CD33: variants seen among roughly 807,000 people sequenced by gnomAD.
CD33 encodes myeloid cell surface antigen CD33.
CD33 carries 25 observed loss-of-function variants against 31.4 expected under a neutral mutation model. The ratio of observed to expected loss-of-function variants is 0.80; its 90% CI spans 0.58 to 1.11. CD33 has a LOEUF of 1.11. Among genes scored for constraint, CD33 ranks in the 50% most tolerant of loss-of-function variants. The pLI, the probability that CD33 is intolerant of heterozygous loss-of-function variation, is 0.00. For synonymous variants in CD33, 176 were observed against 180.6 expected (o/e 0.97, Z 0.20); for missense variants, 407 against 448.1 (o/e 0.91, Z 0.83).
the CD33 span, chr19:51,211,442 G>A: frequency 1.5e-5 from 24 of 1,567,694 alleles, no homozygotes; most frequent in African/African-American, 8.2e-5. Context: ...GGCTGATTCC[G>A]CCTCCTTGGG....
At chr19:51,235,732 G>A (rs937857596) in intron 6 of CD33, 56 bp downstream of exon 6, 1 of 1,384,728 alleles carries the variant, frequency 7.2e-7, no homozygotes, top group African/African-American at 1.4e-5. Context: ...TCCTCCCAAT[G>A]TGGCCCACCG....
At chr19:51,211,444 C>T in the CD33 span, 13 of 1,569,522 alleles carry the variant, frequency 8.3e-6, 1 homozygote, top group South Asian at 1.3e-4. Context: ...CTGATTCCGC[C>T]TCCTTGGGGA....
chr19:51,222,630 C>T (rs1256103230), upstream of CD33, among the ~76,000 whole-genome samples: 1 of 152,124 alleles, frequency 6.6e-6, no homozygotes, highest in Non-Finnish European at 1.5e-5. Flanking sequence ...TAACACATCT[C>T]TAGGAGATTT....
At chr19:51,229,294 T>C (rs1284203239) in intron 4 of CD33, among the ~76,000 whole-genome samples, 1 of 152,248 alleles carries the variant, frequency 6.6e-6, no homozygotes, top group Non-Finnish European at 1.5e-5. Flanking sequence ...TTTGATTTGC[T>C]ACTATTTTGT....
the CD33 span, among the ~76,000 whole-genome samples, chr19:51,213,403 C>G: frequency 1.3e-5 from 2 of 151,786 alleles, no homozygotes; most frequent in South Asian, 2.1e-4. Flanking sequence ...GAAGAAATAC[C>G]AGACTGTTGT....
At chr19:51,224,107 T>C (rs937523484), upstream of CD33, among the ~76,000 whole-genome samples, 1 of 151,806 alleles carries the variant, frequency 6.6e-6, no homozygotes, top group Non-Finnish European at 1.5e-5. Context: ...CTGGCCGAGT[T>C]AAGTCAGAGG....
chr19:51,214,727 A>G, the CD33 span, among the ~76,000 whole-genome samples: 3 of 152,188 alleles, frequency 2.0e-5, no homozygotes, highest in African/African-American at 7.2e-5. Context: ...TATGTTGGAT[A>G]CTAGACCCTT....
chr19:51,215,919 G>C, the CD33 span, among the ~76,000 whole-genome samples: 48 of 152,274 alleles, frequency 3.2e-4, no homozygotes, highest in Non-Finnish European at 6.2e-4. Context: ...TCCAGACTCT[G>C]CTTCTAGCTG....
Position 51,225,607 on chromosome 19 carries a change from C to T in CD33, c.418+9C>T. 1 of 1,549,366 alleles carries T rather than the reference C, an allele frequency of 6.5e-7. No individual in the cohort carries two copies. The highest frequency in any genetic ancestry group is 2.3e-5 in the East Asian group (1 of 44,388). On this transcript the variant is annotated intron_variant, in intron 2 of 6. Transcript: ENST00000262262. ...CTCTGTGCATGTGACAGGTGAGGCA[C>T]AGGCTTCAGAAGTGGCCGCAAGGGA...
intron 4 of CD33, among the ~76,000 whole-genome samples, chr19:51,229,144 A>T (rs570687153): frequency 6.6e-6 from 1 of 152,328 alleles, no homozygotes; most frequent in South Asian, 2.1e-4. Flanking sequence ...GCAACTATTT[A>T]GGTGATCATA....
At chr19:51,218,627 T>C in the CD33 span, among the ~76,000 whole-genome samples, 2 of 152,216 alleles carry the variant, frequency 1.3e-5, no homozygotes, top group African/African-American at 4.8e-5. Flanking sequence ...AAGATTTTCC[T>C]AGGTTTTCTT....
At chr19:51,237,517 G>GA (rs1981881112) in intron 6 of CD33, 1 of 152,282 alleles carries the variant, frequency 6.6e-6, no homozygotes, top group Non-Finnish European at 1.5e-5. Context: ...CCTGCAGAAA[G>GA]AAAGTGAGTA....
chr19:51,211,549 C>A, the CD33 span: 4 of 1,521,540 alleles, frequency 2.6e-6, no homozygotes, highest in East Asian at 6.8e-5. Flanking sequence ...AAGTACCAAA[C>A]ACAGTTACAA....
chr19:51,235,338 C>T, intron 5 of CD33, 85 bp downstream of exon 5: 1 of 1,369,974 alleles, frequency 7.3e-7, no homozygotes. Context: ...GCTGTGAGGG[C>T]TGGAGAAAGG....
upstream of CD33, among the ~76,000 whole-genome samples, chr19:51,222,886 C>T (rs1402390590): frequency 1.3e-5 from 2 of 152,072 alleles, no homozygotes; most frequent in Non-Finnish European, 2.9e-5. Flanking sequence ...CATATTTGAT[C>T]TTCTGGTCCA....
At chr19:51,217,127 C>T in the CD33 span, among the ~76,000 whole-genome samples, 23 of 152,242 alleles carry the variant, frequency 1.5e-4, no homozygotes, top group Non-Finnish European at 2.4e-4. Flanking sequence ...CCCTTGGCTC[C>T]CTGGCGAGAG....
chr19:51,214,654 T>C, the CD33 span, among the ~76,000 whole-genome samples: 4 of 152,230 alleles, frequency 2.6e-5, no homozygotes, highest in African/African-American at 9.6e-5. Context: ...TTTAAGTCCT[T>C]TGTCCATTTT....
chr19:51,226,371 C>T lies in CD33; in HGVS notation c.745+15C>T, dbSNP rs556548617. 4 of 1,610,522 alleles carry T rather than the reference C, an allele frequency of 2.5e-6. No individual in the cohort carries two copies. Among genetic ancestry groups the T allele is most frequent in the African/African-American group, 1.3e-5 (1 of 74,988 alleles). ...AGATGGCTCAGGTAGGAAGGAGCCT[C>T]CCCGCCTGGGGCTGTTACTGACATT... On this transcript the variant is annotated intron_variant, in intron 4 of 6. Coordinates refer to ENST00000262262, the MANE Select transcript of CD33 (RefSeq NM_001772.4).
At chr19:51,235,518 TC>T in intron 5 of CD33, 76 bp from the exon 6 acceptor site, 1 of 1,513,944 alleles carries the variant, frequency 6.6e-7, no homozygotes, top group Non-Finnish European at 8.9e-7. Context: ...CCTGCCAAAG[TC>T]CCTCATTCCA....
Sources: allele counts gnomAD v4.1 joint callset (sites outside exome capture counted in the v4.1 genomes callset), GRCh38; gene constraint gnomAD v4.1.1; transcripts MANE v1.5; gene names NCBI Gene and HGNC (gene_info 2026-07-23, HGNC 2026-07-21).